Variants in ZFHX3 observed in about 807,000 individuals in gnomAD.
ZFHX3 encodes the protein zinc finger homeobox 3, also known as zinc finger homeobox protein 3.
A neutral mutation model predicts 279.1 loss-of-function variants in ZFHX3; 42 were observed. That is an observed-to-expected ratio of 0.15 (90% confidence interval 0.12 to 0.19). The LOEUF is 0.19. Among genes scored for constraint, ZFHX3 ranks in the 10% least tolerant of loss-of-function variants. The pLI is 1.00. For synonymous variants in ZFHX3, 2,293 were observed against 1,957.8 expected (o/e 1.17, Z -4.52); for missense variants, 4,981 against 4,754.0 (o/e 1.05, Z -1.40).
chr16:73,222,122 T>G (rs1425881799), intron 5 of ZFHX3, among the ~76,000 whole-genome samples: 1 of 152,116 alleles, frequency 6.6e-6, no homozygotes, highest in African/African-American at 2.4e-5. Context: ...CTAACCCTGA[T>G]GTAGTCACTT....
chr16:73,402,633 G>A (rs879644161), intron 3 of ZFHX3, among the ~76,000 whole-genome samples: 5 of 152,136 alleles, frequency 3.3e-5, no homozygotes, highest in African/African-American at 4.8e-5. Context: ...TCTTACCCAC[G>A]GTGGCTCATT....
At chr16:73,243,089 G>A (rs2013174628) in intron 5 of ZFHX3, among the ~76,000 whole-genome samples, 1 of 152,158 alleles carries the variant, frequency 6.6e-6, no homozygotes, top group South Asian at 2.1e-4. Flanking sequence ...AGAGCTGAGT[G>A]GTCCAGACAG....
intron 3 of ZFHX3, among the ~76,000 whole-genome samples, chr16:73,342,515 G>A (rs1418970343): frequency 6.6e-6 from 1 of 152,214 alleles, no homozygotes; most frequent in Non-Finnish European, 1.5e-5. Flanking sequence ...AGAGCTCCAG[G>A]AGTCGATGAG....
chr16:73,689,927 C>G (rs770413418), intron 1 of ZFHX3, among the ~76,000 whole-genome samples: 1 of 152,028 alleles, frequency 6.6e-6, no homozygotes, highest in South Asian at 2.1e-4. Context: ...TCAAGCAACT[C>G]TCTTGCCTCA....
intron 1 of ZFHX3, among the ~76,000 whole-genome samples, chr16:73,736,801 C>T (rs558491781): frequency 8.2e-4 from 125 of 152,284 alleles, no homozygotes; most frequent in Middle Eastern, 3.4e-3. Context: ...AGACAGTTGG[C>T]CATCTTTAGC....
At chr16:72,803,225 G>A (rs552174544) in intron 7 of ZFHX3, among the ~76,000 whole-genome samples, 7 of 152,160 alleles carry the variant, frequency 4.6e-5, no homozygotes, top group East Asian at 3.9e-4. Context: ...CCAGTTACTC[G>A]GGAGGCTGAG....
chr16:73,532,484 G>GA (rs2019823128), intron 2 of ZFHX3, among the ~76,000 whole-genome samples: 1 of 152,128 alleles, frequency 6.6e-6, no homozygotes, highest in Admixed American at 6.5e-5. Flanking sequence ...CCAGCAGCGT[G>GA]AAAATGGAGT....
intron 1 of ZFHX3, among the ~76,000 whole-genome samples, chr16:73,857,080 G>C (rs1174283008): frequency 1.3e-5 from 2 of 152,208 alleles, no homozygotes; most frequent in East Asian, 3.8e-4. Flanking sequence ...ATTAAAGGTA[G>C]TCAATATTGA....
At chr16:73,415,081 C>A (rs545249211) in intron 3 of ZFHX3, among the ~76,000 whole-genome samples, 2 of 151,834 alleles carry the variant, frequency 1.3e-5, no homozygotes, top group South Asian at 4.2e-4. Flanking sequence ...TTCCTGGGAG[C>A]CAAAGTTCCC....
intron 4 of ZFHX3, among the ~76,000 whole-genome samples, chr16:73,276,907 A>G (rs2014316416): frequency 6.6e-6 from 1 of 152,200 alleles, no homozygotes; most frequent in African/African-American, 2.4e-5. Flanking sequence ...ATCCTCTGCC[A>G]TGTTCCTTTC....
intron 2 of ZFHX3, among the ~76,000 whole-genome samples, chr16:73,602,325 C>T (rs2052127220): frequency 6.6e-6 from 1 of 152,142 alleles, no homozygotes; most frequent in Admixed American, 6.5e-5. Context: ...GTATATCACG[C>T]AGTGCTGAGA....
At chr16:72,901,146 T>C (rs1249210925) in intron 3 of ZFHX3, among the ~76,000 whole-genome samples, 1 of 152,210 alleles carries the variant, frequency 6.6e-6, no homozygotes, top group African/African-American at 2.4e-5. Context: ...TTCCCAGGGC[T>C]GTCGCTGGCA....
chr16:73,741,809 A>T (rs140032273), intron 1 of ZFHX3, among the ~76,000 whole-genome samples: 1 of 152,326 alleles, frequency 6.6e-6, no homozygotes, highest in African/African-American at 2.4e-5. Flanking sequence ...AAGAAAGACA[A>T]ACATAAGGGG....
At chr16:73,807,845 C>T (rs1204387526) in intron 1 of ZFHX3, among the ~76,000 whole-genome samples, 1 of 151,612 alleles carries the variant, frequency 6.6e-6, no homozygotes, top group East Asian at 1.9e-4. Flanking sequence ...CTTTTTTTTC[C>T]AACATACATT....
At chr16:73,739,808 T>C (rs1407770361) in intron 1 of ZFHX3, among the ~76,000 whole-genome samples, 5 of 152,218 alleles carry the variant, frequency 3.3e-5, no homozygotes, top group Non-Finnish European at 7.3e-5. Flanking sequence ...GGGCTCTCAC[T>C]CACCATTTCT....
intron 2 of ZFHX3, among the ~76,000 whole-genome samples, chr16:73,519,109 T>C (rs978758242): frequency 2.6e-5 from 4 of 152,186 alleles, no homozygotes; most frequent in Non-Finnish European, 4.4e-5. Context: ...ATCTGCTGAA[T>C]TCCAGACGGT....
At chr16:73,162,619 A>T (rs1967265462) in intron 5 of ZFHX3, among the ~76,000 whole-genome samples, 1 of 152,058 alleles carries the variant, frequency 6.6e-6, no homozygotes, top group Non-Finnish European at 1.5e-5. Context: ...AATGCACCAC[A>T]CCCGGCTAAT....
chr16:73,562,693 C>T (rs1332279927), intron 2 of ZFHX3, among the ~76,000 whole-genome samples: 1 of 149,084 alleles, frequency 6.7e-6, no homozygotes, highest in East Asian at 2.0e-4. Context: ...TGAAAGATGG[C>T]TTTAAAATGA....
At chr16:73,229,861 G>A (rs537437907) in intron 5 of ZFHX3, among the ~76,000 whole-genome samples, 1 of 152,298 alleles carries the variant, frequency 6.6e-6, no homozygotes, top group South Asian at 2.1e-4. Flanking sequence ...AAAAATGATT[G>A]AGAATGTGAA....
Sources: allele counts gnomAD v4.1 joint callset (sites outside exome capture counted in the v4.1 genomes callset), GRCh38; gene constraint gnomAD v4.1.1; transcripts MANE v1.5; gene names NCBI Gene and HGNC (gene_info 2026-07-23, HGNC 2026-07-21).